The following CDH13 variants were observed in gnomAD, a reference collection of about 807,000 sequenced individuals.
CDH13 encodes cadherin-13.
Under a neutral mutation model 63.8 loss-of-function variants are expected in CDH13, and 24 were observed. The observed-to-expected ratio is 0.38, with a 90% CI of 0.27 to 0.53. CDH13 has a LOEUF of 0.53. Ranked by LOEUF, CDH13 falls within the 20% of genes least tolerant of loss-of-function variation. The pLI is 0.85. For missense variants in CDH13, 1,049 were observed against 903.1 expected, an observed-to-expected ratio of 1.16 and a Z score of -2.07; for synonymous variants, 503 against 355.3, an observed-to-expected ratio of 1.42 and a Z score of -4.67.
chr16:82,742,729 A>G (rs187198802), intron 1 of CDH13, among the ~76,000 whole-genome samples: 18 of 152,330 alleles, frequency 1.2e-4, no homozygotes, highest in African/African-American at 3.8e-4. Context: ...GTAACTCTGA[A>G]GAACGCATGC....
rs138164978 is a variant in CDH13, at chr16:83,238,255, G to C, written c.636+20758G>C. Among the ~76,000 whole-genome samples the C allele has an allele frequency of 3.2e-4, 48 of 151,302 alleles. No homozygotes were observed. The East Asian group carries it at 4.7e-3, about 15-fold the overall frequency. On this transcript the variant is annotated intron_variant, in intron 5 of 13. Coordinates refer to ENST00000567109, the MANE Select transcript of CDH13 (RefSeq NM_001257.5). ...AAAAGAGAGATTTAGTGGACTTACAGTTCCACATGTCTGGGGAGGCCTCCC... is the reference window on the plus strand; with the variant it reads ...AAAAGAGAGATTTAGTGGACTTACACTTCCACATGTCTGGGGAGGCCTCCC...
chr16:83,730,177 G>T (rs1910883347), intron 10 of CDH13, among the ~76,000 whole-genome samples: 1 of 152,140 alleles, frequency 6.6e-6, no homozygotes, highest in Admixed American at 6.5e-5. Context: ...AGTAAACATT[G>T]AAGGAGAAAA....
intron 6 of CDH13, among the ~76,000 whole-genome samples, chr16:83,355,288 C>T (rs1429295258): frequency 6.6e-6 from 1 of 152,110 alleles, no homozygotes; most frequent in Non-Finnish European, 1.5e-5. Context: ...TTTTATGATG[C>T]CAGCTTATTA....
chr16:83,319,467 TTTG>T (rs1259121483), intron 5 of CDH13, among the ~76,000 whole-genome samples: 2 of 152,174 alleles, frequency 1.3e-5, no homozygotes, highest in Admixed American at 6.5e-5. Flanking sequence ...CTAAGAAGGC[TTTG>T]TTGTTGTTGT....
intron 7 of CDH13, among the ~76,000 whole-genome samples, chr16:83,513,099 A>G (rs927126172): frequency 6.6e-6 from 1 of 152,180 alleles, no homozygotes; most frequent in African/African-American, 2.4e-5. Flanking sequence ...TGTGAAAACA[A>G]TTCAAGAATT....
chr16:82,786,773 C>T (rs1213616778), intron 1 of CDH13, among the ~76,000 whole-genome samples: 1 of 151,704 alleles, frequency 6.6e-6, no homozygotes, highest in Admixed American at 6.6e-5. Flanking sequence ...TCTGTCCTTG[C>T]AATCGTTTGC....
intron 5 of CDH13, among the ~76,000 whole-genome samples, chr16:83,261,354 T>A (rs1241665316): frequency 6.6e-6 from 1 of 152,186 alleles, no homozygotes; most frequent in Non-Finnish European, 1.5e-5. Context: ...GGGATGACTT[T>A]ACCCTTCAGG....
rs377333250 is a variant in CDH13, at chr16:83,634,965, T to C, written c.1101+32371T>C. 3.9e-4 allele frequency among the ~76,000 whole-genome samples: 60 copies of C among 152,350 alleles called. 1 individual carries two copies. The South Asian group carries it at 0.011, about 29-fold the overall frequency. On this transcript the variant is annotated intron_variant, in intron 8 of 13. Transcript: ENST00000567109. Reference sequence around the variant, plus strand: ...TGGGTACCAGCTGCTGGATCATATATTAAGTGCATGTTAGTTTTATAAGAA... The same window carrying C: ...TGGGTACCAGCTGCTGGATCATATACTAAGTGCATGTTAGTTTTATAAGAA...
At chr16:83,002,570 G>T (rs1427543752) in intron 2 of CDH13, among the ~76,000 whole-genome samples, 5 of 152,244 alleles carry the variant, frequency 3.3e-5, no homozygotes, top group Non-Finnish European at 7.3e-5. Context: ...CCATTGTGAT[G>T]TGTTCATTCT....
At chr16:83,384,071 G>C (rs894928525) in intron 6 of CDH13, among the ~76,000 whole-genome samples, 1 of 152,048 alleles carries the variant, frequency 6.6e-6, no homozygotes, top group African/African-American at 2.4e-5. Flanking sequence ...TACAACTACT[G>C]TATCTCTCTG....
intron 7 of CDH13, among the ~76,000 whole-genome samples, chr16:83,555,733 A>G (rs915736832): frequency 6.6e-6 from 1 of 152,224 alleles, no homozygotes; most frequent in African/African-American, 2.4e-5. Context: ...GTGTCATTAA[A>G]TCAGATTTTA....
At chr16:83,479,085 A>G (rs1337731390) in intron 6 of CDH13, among the ~76,000 whole-genome samples, 1 of 152,158 alleles carries the variant, frequency 6.6e-6, no homozygotes. Flanking sequence ...TTTCCCTATC[A>G]ATTGCTGTCT....
chr16:83,477,633 A>G (rs1266357673), intron 6 of CDH13, among the ~76,000 whole-genome samples: 4 of 152,128 alleles, frequency 2.6e-5, no homozygotes, highest in Non-Finnish European at 5.9e-5. Context: ...GGGAGGTGGG[A>G]GGAGGAAGGG....
intron 1 of CDH13, among the ~76,000 whole-genome samples, chr16:82,658,000 A>G (rs1399805312): frequency 2.0e-5 from 3 of 152,354 alleles, no homozygotes; most frequent in South Asian, 4.1e-4. Context: ...TACTGATCTT[A>G]TCAGGAAAGC....
chr16:82,816,221 A>G (rs2037701563), intron 1 of CDH13, among the ~76,000 whole-genome samples: 1 of 152,130 alleles, frequency 6.6e-6, no homozygotes, highest in African/African-American at 2.4e-5. Flanking sequence ...CAACAGGCAC[A>G]TCCTTGTTCT....
chr16:82,765,823 C>A (rs894219216), intron 1 of CDH13, among the ~76,000 whole-genome samples: 1 of 152,056 alleles, frequency 6.6e-6, no homozygotes. Context: ...TAGGACCAGG[C>A]CCTGTAAGTT....
intron 11 of CDH13, among the ~76,000 whole-genome samples, chr16:83,767,914 A>G (rs2150994668): frequency 6.6e-6 from 1 of 152,326 alleles, no homozygotes; most frequent in East Asian, 1.9e-4. Context: ...TTCTAAAAGT[A>G]GGTAGTGGTG....
rs376816539 is a variant in CDH13 at position 83,218,138 on chromosome 16, GTGATTGAT to G, written c.636+655_636+662del. On this transcript the variant is annotated intron_variant, in intron 5 of 13. Transcript: ENST00000567109. ...AGTGGGTTAATGGTTGTATTTGGAA[GTGATTGAT>G]TGATTGATTGATTTGGTTTTCTTAC... Among the ~76,000 whole-genome samples the G allele has an allele frequency of 7.1e-3, 1,075 of 152,278 alleles. 14 individuals are homozygous for G. Among genetic ancestry groups the G allele is most frequent in the African/African-American group, 0.024 (1,009 of 41,550 alleles).
At chr16:83,298,103 T>C (rs761587822) in intron 5 of CDH13, among the ~76,000 whole-genome samples, 3 of 147,386 alleles carry the variant, frequency 2.0e-5, no homozygotes, top group Non-Finnish European at 4.5e-5. Flanking sequence ...ATTAGCCAGG[T>C]GCAGGGGTAC....
Sources: gnomAD v4.1 joint callset for allele counts (sites outside exome capture counted in the v4.1 genomes callset) on GRCh38, gnomAD v4.1.1 for gene constraint, MANE v1.5 for transcripts, NCBI Gene and HGNC (gene_info 2026-07-23, HGNC 2026-07-21) for gene names.